DNAJC13: variants seen among roughly 807,000 people sequenced by gnomAD.
The protein encoded by DNAJC13 is DnaJ heat shock protein family (Hsp40) member C13.
In DNAJC13, 75 loss-of-function variants were observed where a neutral mutation model predicts 290.5. The observed-to-expected ratio is 0.26, with a 90% CI of 0.21 to 0.31. DNAJC13 has a LOEUF of 0.31. DNAJC13 is among the 10% of genes least tolerant of loss of function. The pLI, the probability that DNAJC13 is intolerant of heterozygous loss-of-function variation, is 1.00. For missense variants in DNAJC13, 2,260 were observed against 2,674.5 expected (o/e 0.85, Z 3.42); for synonymous variants, 862 against 892.0 (o/e 0.97, Z 0.60).
At chr3:132,530,729 T>C (rs1455095256) in intron 54 of DNAJC13, among the ~76,000 whole-genome samples, 1 of 152,250 alleles carries the variant, frequency 6.6e-6, no homozygotes, top group Non-Finnish European at 1.5e-5. Context: ...CCTCCTTGAA[T>C]TACATATAAG....
chr3:132,475,556 G>A (rs1394996713), intron 22 of DNAJC13, among the ~76,000 whole-genome samples: 2 of 152,092 alleles, frequency 1.3e-5, no homozygotes, highest in Admixed American at 1.3e-4. Context: ...TTATACGTGT[G>A]GGTGTATATA....
Position 132,456,482 on chromosome 3 carries a change from C to T in DNAJC13, c.1100-19C>T. The T allele has an allele frequency of 6.2e-7, 1 of 1,609,196 alleles. No individual in the cohort carries two copies. The highest frequency in any genetic ancestry group is 8.5e-7 in the Non-Finnish European group (1 of 1,178,508). ...TAGGAATTCGTATCTTCTTTTTGAA[C>T]CTCTTAATCTCTTTACAGATGGCAA... On this transcript the variant is annotated intron_variant, in intron 10 of 55. Transcript: ENST00000260818.
chr3:132,510,204 C>T (rs1332238958), intron 43 of DNAJC13, among the ~76,000 whole-genome samples: 1 of 152,052 alleles, frequency 6.6e-6, no homozygotes, highest in Admixed American at 6.5e-5. Flanking sequence ...GATATCAGAC[C>T]ACCAGACACA....
At chr3:132,468,067 C>T (rs1232873647) in intron 20 of DNAJC13, among the ~76,000 whole-genome samples, 2 of 152,152 alleles carry the variant, frequency 1.3e-5, no homozygotes, top group East Asian at 3.9e-4. Flanking sequence ...ATTGTGCGTA[C>T]TTAAATTTTG....
At chr3:132,424,702 G>A (rs1191998386) in intron 1 of DNAJC13, among the ~76,000 whole-genome samples, 1 of 152,058 alleles carries the variant, frequency 6.6e-6, no homozygotes, top group African/African-American at 2.4e-5. Context: ...TGATATTACC[G>A]CTGGCTTTTT....
rs9826694 is a variant in DNAJC13 at position 132,464,074 on chromosome 3, A to G, written c.1892+257A>G. The stretch of plus-strand genomic sequence containing the variant: ...CCCTGACACCATAGTCATGGGACCA[A>G]TATGGAAAAGGGTACTTAAAAGCTT... On this transcript the variant is annotated intron_variant, in intron 17 of 55. Coordinates refer to ENST00000260818, the MANE Select transcript of DNAJC13 (RefSeq NM_015268.4). Among the ~76,000 whole-genome samples the G allele has an allele frequency of 0.29, 43,771 of 152,034 alleles. 7,018 individuals are homozygous for G. The highest frequency in any genetic ancestry group is 0.43 in the African/African-American group (17,838 of 41,454).
chr3:132,450,569 A>AGT, intron 5 of DNAJC13, 78 bp from the exon 6 acceptor site: 1 of 1,051,256 alleles, frequency 9.5e-7, no homozygotes. Context: ...TCGTTTCAAT[A>AGT]GTGACTGTGA....
chr3:132,503,436 C>T, intron 41 of DNAJC13, 55 bp downstream of exon 41: 2 of 1,588,750 alleles, frequency 1.3e-6, no homozygotes, highest in Non-Finnish European at 1.7e-6. Flanking sequence ...ATCCTTTAAG[C>T]AGTAAAGTAG....
chr3:132,469,129 T>C (rs2107680986), intron 20 of DNAJC13, among the ~76,000 whole-genome samples: 1 of 152,352 alleles, frequency 6.6e-6, no homozygotes, highest in South Asian at 2.1e-4. Context: ...GAAGATCTTT[T>C]GGTTAGCATC....
chr3:132,499,369 G>T, intron 37 of DNAJC13, 59 bp downstream of exon 37: 1 of 1,376,366 alleles, frequency 7.3e-7, no homozygotes, highest in Non-Finnish European at 9.8e-7. Context: ...TATGACTCTT[G>T]GCAGTGAAGA....
rs61731474 is a variant in DNAJC13, at chr3:132,523,168, A to C, written c.5855A>C (p.Asn1952Thr). 8.3e-4 allele frequency: 1,345 copies of C among 1,613,962 alleles called. 8 individuals carry two copies. In the African/African-American group the frequency reaches 0.015, roughly 18 times the overall value. The change falls in exon 50 of 56, where the codon AAT (asparagine) becomes ACT (threonine). Residue 1952 changes from asparagine (N) to threonine (T), a missense_variant. By Grantham distance (65) the Asn-to-Thr change is moderately conservative. Transcript: ENST00000260818. ...VREMMLEHFK[N>T]QQDNPEANWK... Reference sequence around the variant, plus strand: ...TTTTTTTCCCCAAGGCACTTTAAAAATCAGCAGGACAACCCTGAGGCAAAC... The same window carrying C: ...TTTTTTTCCCCAAGGCACTTTAAAACTCAGCAGGACAACCCTGAGGCAAAC...
intron 1 of DNAJC13, among the ~76,000 whole-genome samples, chr3:132,432,218 G>T (rs6778391): frequency 1.7e-4 from 26 of 151,646 alleles, no homozygotes; most frequent in Admixed American, 7.9e-4. Flanking sequence ...GTTTTTTTGG[G>T]GGGGGACAGA....
rs537000799 is a variant in DNAJC13, at chr3:132,538,453, C to G, written c.*171C>G. The G allele has an allele frequency of 1.9e-6, 1 of 533,760 alleles. No homozygotes were observed. The allele number at this position is 533,760 out of a possible 1,614,324, so 33.1% of individuals were successfully genotyped here. On this transcript the variant is annotated 3_prime_UTR_variant, in exon 56 of 56. Transcript: ENST00000260818. ...AAAGTCAGTGATCCTAATTGTATCACATTATAAGAAAGCACTCTGTGGATC... is the reference window on the plus strand; with the variant it reads ...AAAGTCAGTGATCCTAATTGTATCAGATTATAAGAAAGCACTCTGTGGATC...
Position 132,479,675 on chromosome 3 carries a change from A to G in DNAJC13, c.2772+386A>G, listed in dbSNP as rs185766559. ...CTTTATCAGTGTACATTTTGTTGAT[A>G]AAAAGTAATTGGAAGTTATAAGATT... is the stretch of plus-strand genomic sequence containing the variant. On this transcript the variant is annotated intron_variant, in intron 25 of 55. Coordinates refer to ENST00000260818, the MANE Select transcript of DNAJC13 (RefSeq NM_015268.4). Among the ~76,000 whole-genome samples, 297 of 152,298 alleles carry G rather than the reference A, an allele frequency of 2.0e-3. 3 individuals are homozygous for G. Among genetic ancestry groups the G allele is most frequent in the African/African-American group, 6.9e-3 (285 of 41,576 alleles).
intron 41 of DNAJC13, among the ~76,000 whole-genome samples, chr3:132,504,309 GGTTT>G (rs1218419136): frequency 4.4e-5 from 4 of 90,782 alleles, no homozygotes; most frequent in African/African-American, 3.0e-4. Flanking sequence ...AGATGCTACT[GGTTT>G]TTTTTTTTTT....
intron 41 of DNAJC13, among the ~76,000 whole-genome samples, chr3:132,504,513 T>G (rs1220723704): frequency 6.6e-6 from 1 of 152,104 alleles, no homozygotes; most frequent in African/African-American, 2.4e-5. Flanking sequence ...TAAAAATTTT[T>G]TATAGCATTT....
chr3:132,523,100 G>A, intron 49 of DNAJC13, 57 bp from the exon 50 acceptor site: 1 of 1,610,750 alleles, frequency 6.2e-7, no homozygotes, highest in Non-Finnish European at 8.5e-7. Context: ...TATGCTAAAG[G>A]TTAATGAAAA....
At chr3:132,523,032 T>A in intron 49 of DNAJC13, 35 bp downstream of exon 49, 1 of 1,603,510 alleles carries the variant, frequency 6.2e-7, no homozygotes, top group Non-Finnish European at 8.5e-7. Context: ...TTATAGCCTT[T>A]AAATAAAATC....
At position 132,441,868 on chromosome 3, in the gene DNAJC13, G is replaced by A. The variant is rs564760063; in HGVS notation, c.69-4607G>A. On this transcript the variant is annotated intron_variant, in intron 2 of 55. Transcript: ENST00000260818. Reference sequence around the variant, plus strand: ...AAGTTTATTTCAGATGTTTGAATTAGATAACTAGTAAAATGTTGGGAGGAA... The same window carrying A: ...AAGTTTATTTCAGATGTTTGAATTAAATAACTAGTAAAATGTTGGGAGGAA... Among the ~76,000 whole-genome samples, 3 of 152,188 alleles carry A rather than the reference G, an allele frequency of 2.0e-5. No homozygotes were observed. In the South Asian group the frequency reaches 6.2e-4, roughly 32 times the overall value.
Sources: allele counts gnomAD v4.1 joint callset (sites outside exome capture counted in the v4.1 genomes callset), GRCh38; gene constraint gnomAD v4.1.1; transcripts MANE v1.5; gene names NCBI Gene and HGNC (gene_info 2026-07-23, HGNC 2026-07-21).